The following CACNB2 variants were observed in gnomAD, a reference collection of about 807,000 sequenced individuals.
CACNB2 encodes the protein calcium voltage-gated channel auxiliary subunit beta 2, also known as voltage-dependent L-type calcium channel subunit beta-2.
In CACNB2, 42 loss-of-function variants were observed where a neutral mutation model predicts 73.3. The ratio of observed to expected loss-of-function variants is 0.57; its 90% CI spans 0.45 to 0.74. The LOEUF (loss-of-function observed/expected upper bound fraction) is 0.74, where lower values mean the gene tolerates loss of function less well. Ranked by LOEUF, CACNB2 falls within the 30% of genes least tolerant of loss-of-function variation. The probability of loss-of-function intolerance (pLI) is 0.00; values close to 1 mark genes in which losing one functional copy is unlikely to be tolerated. For missense variants in CACNB2, 940 were observed against 853.0 expected, an observed-to-expected ratio of 1.10 and a Z score of -1.27; for synonymous variants, 348 against 310.3, an observed-to-expected ratio of 1.12 and a Z score of -1.28.
At chr10:18,466,393 C>T (rs1278961606) in intron 3 of CACNB2, among the ~76,000 whole-genome samples, 1 of 152,102 alleles carries the variant, frequency 6.6e-6, no homozygotes, top group African/African-American at 2.4e-5. Flanking sequence ...CAGCACACCA[C>T]CATGCCCAGC....
At chr10:18,508,293 T>C (rs1462686624) in intron 6 of CACNB2, among the ~76,000 whole-genome samples, 3 of 152,150 alleles carry the variant, frequency 2.0e-5, no homozygotes, top group African/African-American at 7.2e-5. Flanking sequence ...AGTAAAATAG[T>C]ATGCATGAAA....
intron 2 of CACNB2, among the ~76,000 whole-genome samples, chr10:18,389,354 G>T (rs2043367306): frequency 6.6e-6 from 1 of 152,140 alleles, no homozygotes. Context: ...GCAAAGGCAG[G>T]TCTTGAACTC....
At chr10:18,235,013 G>A (rs2036379381) in intron 2 of CACNB2, among the ~76,000 whole-genome samples, 1 of 151,990 alleles carries the variant, frequency 6.6e-6, no homozygotes. Flanking sequence ...TGTGGTGGCG[G>A]GCGCCTGTAG....
At chr10:18,503,177 G>A (rs2050302240) in intron 5 of CACNB2, among the ~76,000 whole-genome samples, 1 of 152,182 alleles carries the variant, frequency 6.6e-6, no homozygotes. Context: ...GATGAACAGC[G>A]CATGTGCATT....
intron 2 of CACNB2, among the ~76,000 whole-genome samples, chr10:18,292,904 G>A (rs890189374): frequency 6.6e-6 from 1 of 151,988 alleles, no homozygotes; most frequent in South Asian, 2.1e-4. Flanking sequence ...ATGCAACCTC[G>A]ACCATACTCA....
At chr10:18,397,615 T>TGAGGCAGGAGAATTGCTTG (rs1461002815) in intron 2 of CACNB2, among the ~76,000 whole-genome samples, 21 of 150,356 alleles carry the variant, frequency 1.4e-4, no homozygotes, top group Admixed American at 8.0e-4. Context: ...CTCAGGAGGC[T>TGAGGCAGGAGAATTGCTTG]GAGGCAGGAG....
intron 2 of CACNB2, among the ~76,000 whole-genome samples, chr10:18,216,942 T>C (rs986286886): frequency 2.0e-5 from 3 of 152,230 alleles, no homozygotes; most frequent in African/African-American, 7.2e-5. Flanking sequence ...AGTTCATTTA[T>C]TTGGGTCAAG....
intron 3 of CACNB2, among the ~76,000 whole-genome samples, chr10:18,414,289 C>G (rs759718456): frequency 6.6e-6 from 1 of 152,222 alleles, no homozygotes; most frequent in Non-Finnish European, 1.5e-5. Flanking sequence ...ATTGAACTCT[C>G]TCTTGCTCCT....
intron 1 of CACNB2, among the ~76,000 whole-genome samples, chr10:18,148,337 G>T (rs1449665066): frequency 1.3e-5 from 2 of 152,102 alleles, no homozygotes; most frequent in African/African-American, 4.8e-5. Context: ...AGTTCAGTGT[G>T]CTATAGTTGT....
At position 18,470,432 on chromosome 10, in the gene CACNB2, TTA is replaced by T. The variant is rs59646761; in HGVS notation, c.334-27919_334-27918del. On this transcript the variant is annotated intron_variant, in intron 3 of 13. Coordinates refer to ENST00000324631, the MANE Select transcript of CACNB2 (RefSeq NM_201596.3). ...TATAGTATATAACATATGGTGTATA[TTA>T]TATGTGGTATATATTATATAGAGAC... Among the ~76,000 whole-genome samples the T allele has an allele frequency of 8.6e-3, 1,294 of 150,274 alleles. 20 individuals are homozygous for T. The highest frequency in any genetic ancestry group is 0.029 in the African/African-American group (1,211 of 41,096).
intron 2 of CACNB2, among the ~76,000 whole-genome samples, chr10:18,347,997 T>C (rs1189980208): frequency 2.0e-5 from 3 of 152,162 alleles, no homozygotes; most frequent in Admixed American, 6.5e-5. Context: ...CTGGGCATTC[T>C]TTTAAAAAAC....
intron 2 of CACNB2, among the ~76,000 whole-genome samples, chr10:18,298,504 G>A (rs1326055036): frequency 6.6e-6 from 1 of 152,246 alleles, no homozygotes; most frequent in Non-Finnish European, 1.5e-5. Flanking sequence ...GAGGCCGTAA[G>A]GGCCCAGGAA....
At chr10:18,488,646 C>A (rs2049216974) in intron 3 of CACNB2, among the ~76,000 whole-genome samples, 1 of 152,078 alleles carries the variant, frequency 6.6e-6, no homozygotes, top group African/African-American at 2.4e-5. Context: ...ACACGCAAGG[C>A]AGACCTGGGC....
intron 2 of CACNB2, among the ~76,000 whole-genome samples, chr10:18,322,660 A>C (rs2040436205): frequency 6.6e-6 from 1 of 152,214 alleles, no homozygotes. Context: ...AATATGAAAG[A>C]AATAATGACT....
At chr10:18,466,360 T>G (rs1336735481) in intron 3 of CACNB2, among the ~76,000 whole-genome samples, 1 of 152,094 alleles carries the variant, frequency 6.6e-6, no homozygotes, top group Non-Finnish European at 1.5e-5. Context: ...CTCAGCCTTC[T>G]GCATAGCTGG....
chr10:18,505,998 G>A (rs1168601895), intron 5 of CACNB2, among the ~76,000 whole-genome samples: 1 of 152,112 alleles, frequency 6.6e-6, no homozygotes, highest in Non-Finnish European at 1.5e-5. Context: ...GTTGTTCTTT[G>A]ATAGATTGCT....
chr10:18,315,519 A>AC (rs1376613180), intron 2 of CACNB2, among the ~76,000 whole-genome samples: 17 of 133,900 alleles, frequency 1.3e-4, no homozygotes, highest in Non-Finnish European at 2.5e-4. Flanking sequence ...AAAAAAAAAA[A>AC]AAAAAAAAAC....
At position 18,541,557 on chromosome 10, in the gene CACNB2, A is replaced by AACTT. The variant is rs1288337567; in HGVS notation, c.*1835_*1838dup. The AACTT allele has an allele frequency of 1.3e-5, 2 of 152,090 alleles. No homozygotes were observed. Among genetic ancestry groups the AACTT allele is most frequent in the East Asian group, 1.9e-4 (1 of 5,194 alleles). 9.4% of individuals were successfully genotyped at this position (152,090 alleles called of 1,614,324 possible). Reference sequence around the variant, plus strand: ...TTACCTAACTTCAGATCTGCACATTAACTTATTTAACAAAATAAATCAGCC... The same window carrying AACTT: ...TTACCTAACTTCAGATCTGCACATTAACTTACTTATTTAACAAAATAAATCAGCC... On this transcript the variant is annotated 3_prime_UTR_variant, in exon 14 of 14. Transcript: ENST00000324631.
chr10:18,426,805 A>G (rs1434119201), intron 3 of CACNB2, among the ~76,000 whole-genome samples: 1 of 152,158 alleles, frequency 6.6e-6, no homozygotes, highest in Non-Finnish European at 1.5e-5. Flanking sequence ...TTCTTGTCTT[A>G]GTGGTACTCT....
Sources: allele counts gnomAD v4.1 joint callset (sites outside exome capture counted in the v4.1 genomes callset), GRCh38; gene constraint gnomAD v4.1.1; transcripts MANE v1.5; gene names NCBI Gene and HGNC (gene_info 2026-07-23, HGNC 2026-07-21).